The following CDK8 variants were observed in gnomAD, a reference collection of about 807,000 sequenced individuals.
CDK8 encodes cyclin-dependent kinase 8.
A neutral mutation model predicts 71.5 loss-of-function variants in CDK8; 29 were observed. That is an observed-to-expected ratio of 0.41 (90% CI 0.30 to 0.55). The LOEUF (loss-of-function observed/expected upper bound fraction) is 0.55, where lower values mean the gene tolerates loss of function less well. Among genes scored for constraint, CDK8 ranks in the 20% least tolerant of loss-of-function variants. The pLI is 0.37. For missense variants in CDK8, 288 were observed against 572.6 expected (o/e 0.50, Z 5.07); for synonymous variants, 161 against 192.1 (o/e 0.84, Z 1.34).
At position 26,397,177 on chromosome 13, in the gene CDK8, G is replaced by A. The variant is rs1340651830; in HGVS notation, c.885G>A (p.Lys295=). 1 of 1,593,954 alleles carries A rather than the reference G, an allele frequency of 6.3e-7. No homozygotes were observed. Among genetic ancestry groups the A allele is most frequent in the South Asian group, 1.1e-5 (1 of 90,118 alleles). ...RNTYTNCSLI[K]YMEKHKVKPD... ...GGTATACCAACTGCAGCCTTATCAA[G>A]TATATGGAAAAACATAAAGTTAAAC... The change falls in exon 9 of 13, where the codon AAG becomes AAA. Residue 295 remains lysine, a synonymous_variant. Transcript: ENST00000381527.
intron 1 of CDK8, among the ~76,000 whole-genome samples, chr13:26,299,045 T>C (rs1285191344): frequency 6.6e-6 from 1 of 152,186 alleles, no homozygotes; most frequent in Non-Finnish European, 1.5e-5. Context: ...TTTGGCCTTT[T>C]GAACTACCAT....
chr13:26,385,320 A>G lies in CDK8; in HGVS notation c.624A>G (p.Ala208=). 1 of 1,612,602 alleles carries G rather than the reference A, an allele frequency of 6.2e-7. No individual in the cohort carries two copies. Among genetic ancestry groups the G allele is most frequent in the South Asian group, 1.1e-5 (1 of 90,548 alleles). ...WYRAPELLLG[A]RHYTKAIDIW... is the part of the protein sequence containing the mutation. The stretch of plus-strand genomic sequence containing the variant: ...GAGCCCCTGAACTACTTCTTGGAGC[A>G]AGGCATTATACCAAAGCTATTGGTG... Residue 208 remains alanine, a synonymous_variant, in exon 6 of 13, where the codon GCA becomes GCG. Coordinates refer to ENST00000381527, the MANE Select transcript of CDK8 (RefSeq NM_001260.3).
At chr13:26,352,612 G>C (rs1873730488) in intron 3 of CDK8, among the ~76,000 whole-genome samples, 1 of 152,078 alleles carries the variant, frequency 6.6e-6, no homozygotes, top group South Asian at 2.1e-4. Flanking sequence ...TTGTAGCTCT[G>C]TTTTGTTTGC....
Position 26,397,554 on chromosome 13 carries a change from A to G in CDK8, c.933+329A>G, listed in dbSNP as rs76247139. On this transcript the variant is annotated intron_variant, in intron 9 of 12. Transcript: ENST00000381527. ...TAAAAGTTCCAGAGAAGTATCAAGAAGAAAGTACTTCTCACCATTGATAAA... is the reference window on the plus strand; with the variant it reads ...TAAAAGTTCCAGAGAAGTATCAAGAGGAAAGTACTTCTCACCATTGATAAA... Among the ~76,000 whole-genome samples the G allele has an allele frequency of 2.4e-4, 36 of 151,608 alleles. No individual in the cohort carries two copies. The East Asian group carries it at 6.9e-3, about 29-fold the overall frequency.
intron 1 of CDK8, among the ~76,000 whole-genome samples, chr13:26,321,249 C>T (rs1874761247): frequency 6.6e-6 from 1 of 152,088 alleles, no homozygotes; most frequent in Admixed American, 6.5e-5. Flanking sequence ...CTGGATGAAT[C>T]AGGACATTTT....
chr13:26,292,028 TCA>T (rs1261029358), intron 1 of CDK8, among the ~76,000 whole-genome samples: 2 of 152,238 alleles, frequency 1.3e-5, no homozygotes, highest in Non-Finnish European at 2.9e-5. Context: ...ACTTTATATT[TCA>T]CACATCAGAT....
In CDK8 at chr13:26,254,614, CAGCT is replaced by C; in HGVS notation, c.-27_-24del. On this transcript the variant is annotated 5_prime_UTR_variant, in exon 1 of 13. Transcript: ENST00000381527. The surrounding 1 kb of genome is among the most constrained non-coding windows in gnomAD (Gnocchi z 6.7). ...ACCCCTGCCCCCCGGCCCCCCGACC[CAGCT>C]CTCCGGCCTCAGAGGCTGTGACAAT... 6.4e-7 allele frequency: 1 copy of C among 1,565,040 alleles called. No homozygotes were observed. The highest frequency in any genetic ancestry group is 8.7e-7 in the Non-Finnish European group (1 of 1,154,484).
intron 1 of CDK8, among the ~76,000 whole-genome samples, chr13:26,273,174 A>G (rs965326654): frequency 2.0e-5 from 3 of 152,126 alleles, no homozygotes; most frequent in Admixed American, 2.0e-4. Flanking sequence ...CAGCCTCTGA[A>G]TTGTTTGGGC....
At chr13:26,287,081 A>G (rs562875072) in intron 1 of CDK8, among the ~76,000 whole-genome samples, 8 of 152,324 alleles carry the variant, frequency 5.3e-5, no homozygotes, top group African/African-American at 1.9e-4. Context: ...GGAAAACAGT[A>G]TGGAGATTCC....
chr13:26,287,606 A>C (rs914234235), intron 1 of CDK8, among the ~76,000 whole-genome samples: 26 of 152,178 alleles, frequency 1.7e-4, no homozygotes, highest in African/African-American at 5.8e-4. Flanking sequence ...AAAAGACTAC[A>C]TATTGGGTAC....
chr13:26,327,936 G>T (rs544650229), intron 1 of CDK8, among the ~76,000 whole-genome samples: 1 of 148,926 alleles, frequency 6.7e-6, no homozygotes, highest in South Asian at 2.1e-4. Context: ...TATGGCTAAG[G>T]CCCAAGAACA....
intron 4 of CDK8, among the ~76,000 whole-genome samples, chr13:26,364,223 C>T (rs551982469): frequency 3.3e-5 from 5 of 152,162 alleles, no homozygotes; most frequent in East Asian, 1.9e-4. Flanking sequence ...GGAAAACACA[C>T]GACACAATCA....
At chr13:26,270,896 C>A (rs1872287465) in intron 1 of CDK8, among the ~76,000 whole-genome samples, 1 of 152,178 alleles carries the variant, frequency 6.6e-6, no homozygotes, top group South Asian at 2.1e-4. Flanking sequence ...AGCCTCCAAA[C>A]TGTTTTCCAC....
chr13:26,369,583 C>T (rs1874561580), intron 4 of CDK8, among the ~76,000 whole-genome samples: 1 of 125,328 alleles, frequency 8.0e-6, no homozygotes, highest in Non-Finnish European at 1.6e-5. Flanking sequence ...GGCTGGAGTG[C>T]AGTAGCGTGA....
At chr13:26,380,835 A>G (rs1316832974) in intron 4 of CDK8, among the ~76,000 whole-genome samples, 1 of 152,174 alleles carries the variant, frequency 6.6e-6, no homozygotes, top group African/African-American at 2.4e-5. Context: ...GACCCTTTTG[A>G]AAAGGTTCAT....
At chr13:26,334,898 C>G (rs778660032) in intron 1 of CDK8, among the ~76,000 whole-genome samples, 32 of 152,284 alleles carry the variant, frequency 2.1e-4, no homozygotes, top group Non-Finnish European at 2.8e-4. Flanking sequence ...CTTTTTGCCT[C>G]TGAACCAACT....
chr13:26,282,979 AT>A (rs1337678148), intron 1 of CDK8, among the ~76,000 whole-genome samples: 1 of 152,250 alleles, frequency 6.6e-6, no homozygotes, highest in Admixed American at 6.5e-5. Context: ...ACATTATATA[AT>A]AATAAAAGAA....
At chr13:26,400,286 T>A in intron 9 of CDK8, 167 bp from the exon 10 acceptor site, 1 of 587,118 alleles carries the variant, frequency 1.7e-6, no homozygotes, top group Non-Finnish European at 3.0e-6. Context: ...AAAGTGTGAA[T>A]TACTACATTA....
chr13:26,289,717 A>AT (rs1209084363), intron 1 of CDK8, among the ~76,000 whole-genome samples: 4 of 151,898 alleles, frequency 2.6e-5, no homozygotes, highest in African/African-American at 9.7e-5. Context: ...TGCACAGCTA[A>AT]TTTTTTGTAT....
Sources: allele counts gnomAD v4.1 joint callset (sites outside exome capture counted in the v4.1 genomes callset), GRCh38; gene constraint gnomAD v4.1.1; non-coding constraint Gnocchi (gnomAD v3.1); transcripts MANE v1.5; gene names NCBI Gene and HGNC (gene_info 2026-07-23, HGNC 2026-07-21).